Variants in STK32B observed in about 807,000 individuals in gnomAD.
STK32B encodes serine/threonine kinase 32B.
In STK32B, 43 loss-of-function variants were observed where a neutral mutation model predicts 52.6. The ratio of observed to expected loss-of-function variants is 0.82; its 90% CI spans 0.64 to 1.05. The LOEUF is 1.05. Ranked by LOEUF, STK32B falls within the 50% of genes least tolerant of loss-of-function variation. The pLI, the probability that STK32B is intolerant of heterozygous loss-of-function variation, is 0.00. For missense variants in STK32B, 621 were observed against 534.6 expected, an observed-to-expected ratio of 1.16 and a Z score of -1.59; for synonymous variants, 238 against 204.3, an observed-to-expected ratio of 1.17 and a Z score of -1.41.
intron 5 of STK32B, among the ~76,000 whole-genome samples, chr4:5,407,655 G>A (rs186175364): frequency 6.6e-6 from 1 of 152,116 alleles, no homozygotes; most frequent in East Asian, 1.9e-4. Flanking sequence ...GAGTTTGGGG[G>A]GTGGGGGAGA....
At chr4:5,413,965 T>G (rs982584052) in intron 5 of STK32B, among the ~76,000 whole-genome samples, 1 of 152,224 alleles carries the variant, frequency 6.6e-6, no homozygotes, top group African/African-American at 2.4e-5. Context: ...ATCCCACTTC[T>G]GGGGATTTAC....
chr4:5,430,336 A>G (rs976824052), intron 6 of STK32B, among the ~76,000 whole-genome samples: 22 of 152,070 alleles, frequency 1.4e-4, no homozygotes, highest in African/African-American at 5.3e-4. Context: ...ACCTATCTTC[A>G]AGTCTATTGA....
chr4:5,416,826 T>C lies in STK32B; in HGVS notation c.473-19T>C. 1 of 1,611,494 alleles carries C rather than the reference T, an allele frequency of 6.2e-7. No individual in the cohort carries two copies. Among genetic ancestry groups the C allele is most frequent in the East Asian group, 2.2e-5 (1 of 44,854 alleles). The stretch of plus-strand genomic sequence containing the variant: ...CCTGCAGCCCACGCTAACTGGAGTT[T>C]CTGTTTCTGTATTTGCAGGACATGT... On this transcript the variant is annotated intron_variant, in intron 5 of 11. Coordinates refer to ENST00000282908, the MANE Select transcript of STK32B (RefSeq NM_018401.3).
chr4:5,484,698 A>G (rs565497778), intron 11 of STK32B, among the ~76,000 whole-genome samples: 2 of 152,002 alleles, frequency 1.3e-5, no homozygotes, highest in Non-Finnish European at 2.9e-5. Context: ...GGTCTTTACA[A>G]TTTGGCATGT....
intron 1 of STK32B, among the ~76,000 whole-genome samples, chr4:5,076,082 C>T (rs922325270): frequency 7.2e-5 from 11 of 152,152 alleles, no homozygotes; most frequent in South Asian, 2.1e-4. Context: ...CCCAGCTGTA[C>T]GGGACATTTC....
chr4:5,301,087 A>G lies in STK32B; in HGVS notation c.261-30133A>G, dbSNP rs569879842. ...TCTATTAATATTATATTTTAGACTGATTTTCGTATGTTAGACCAACCTTGC... is the reference window on the plus strand; with the variant it reads ...TCTATTAATATTATATTTTAGACTGGTTTTCGTATGTTAGACCAACCTTGC... On this transcript the variant is annotated intron_variant, in intron 3 of 11. Transcript: ENST00000282908. Among the ~76,000 whole-genome samples, 6 of 152,164 alleles carry G rather than the reference A, an allele frequency of 3.9e-5. No homozygotes were observed. The South Asian group carries it at 8.3e-4, about 21-fold the overall frequency.
intron 2 of STK32B, among the ~76,000 whole-genome samples, chr4:5,144,383 T>C (rs184911787): frequency 1.9e-3 from 294 of 152,306 alleles, no homozygotes; most frequent in South Asian, 4.8e-3. Context: ...CTTTTGTTGC[T>C]TAAGGCTCTC....
rs539681620 is a variant in STK32B at position 5,171,253 on chromosome 4, A to G, written c.260+2803A>G. 2.2e-4 allele frequency among the ~76,000 whole-genome samples: 34 copies of G among 152,036 alleles called. No homozygotes were observed. In the South Asian group the frequency reaches 3.7e-3, roughly 17 times the overall value. ...TTGCGAAAATTTTCTCCCATTCTGTAGGTTGCCTGTTCACTCTGATGGTGG... is the reference window on the plus strand; with the variant it reads ...TTGCGAAAATTTTCTCCCATTCTGTGGGTTGCCTGTTCACTCTGATGGTGG... On this transcript the variant is annotated intron_variant, in intron 3 of 11. Transcript: ENST00000282908.
intron 3 of STK32B, among the ~76,000 whole-genome samples, chr4:5,186,302 G>A (rs1443061532): frequency 2.0e-5 from 3 of 152,164 alleles, no homozygotes; most frequent in East Asian, 1.9e-4. Flanking sequence ...TGTTTCCTCC[G>A]TGAGCAGTGG....
chr4:5,204,296 TG>T (rs1371759183), intron 3 of STK32B: 2 of 153,082 alleles, frequency 1.3e-5, no homozygotes, highest in African/African-American at 4.8e-5. Context: ...GGGACTGTGC[TG>T]GGCTGCAGAT....
chr4:5,099,454 G>GCGCACGTGCGCGCGCACA (rs1553823532), intron 1 of STK32B, among the ~76,000 whole-genome samples: 73 of 129,850 alleles, frequency 5.6e-4, no homozygotes, highest in African/African-American at 1.7e-3. Flanking sequence ...GTGTGTGCGC[G>GCGCACGTGCGCGCGCACA]CGCGCGTATG....
In STK32B at chr4:5,394,905, A is replaced by G. The variant is rs146081365; in HGVS notation, c.435-3302A>G. On this transcript the variant is annotated intron_variant, in intron 4 of 11. Coordinates refer to ENST00000282908, the MANE Select transcript of STK32B (RefSeq NM_018401.3). This position sits in a 1 kb window ranked among gnomAD's most constrained non-coding sequence, Gnocchi z 4.2. ...AATAACTCACATTTATTTTCCCTCC[A>G]TTTCCGTGGCCCAGGAGTCCAGGTG... Among the ~76,000 whole-genome samples the G allele has an allele frequency of 7.4e-3, 1,134 of 152,248 alleles. 18 individuals carry two copies. Among genetic ancestry groups the G allele is most frequent in the African/African-American group, 0.026 (1,075 of 41,540 alleles).
intron 3 of STK32B, among the ~76,000 whole-genome samples, chr4:5,262,942 C>G (rs1258769760): frequency 6.6e-6 from 1 of 152,154 alleles, no homozygotes; most frequent in Non-Finnish European, 1.5e-5. Flanking sequence ...GTAACACCCA[C>G]ATGGAAGAAG....
chr4:5,129,064 C>T (rs1306545870), intron 1 of STK32B, among the ~76,000 whole-genome samples: 1 of 152,168 alleles, frequency 6.6e-6, no homozygotes, highest in Non-Finnish European at 1.5e-5. Context: ...GGCAAAATCG[C>T]ACACCTAAAT....
At chr4:5,314,407 C>T (rs1340454421) in intron 3 of STK32B, among the ~76,000 whole-genome samples, 18 of 152,210 alleles carry the variant, frequency 1.2e-4, no homozygotes, top group African/African-American at 4.1e-4. Context: ...CTGTGGCTCA[C>T]GCCTGTAATC....
intron 3 of STK32B, among the ~76,000 whole-genome samples, chr4:5,250,069 C>A (rs1200256935): frequency 6.6e-6 from 1 of 152,086 alleles, no homozygotes; most frequent in Non-Finnish European, 1.5e-5. Flanking sequence ...CATCCATGTC[C>A]CTGCAAAGGA....
intron 1 of STK32B, among the ~76,000 whole-genome samples, chr4:5,130,562 G>T (rs944340996): frequency 3.3e-5 from 5 of 152,104 alleles, no homozygotes; most frequent in Admixed American, 2.0e-4. Flanking sequence ...ACACCAAGAG[G>T]ACACCTTCCT....
chr4:5,436,647 T>A, intron 6 of STK32B: 1 of 985,272 alleles, frequency 1.0e-6, no homozygotes, highest in Non-Finnish European at 1.2e-6. Context: ...TGAGCAAAGC[T>A]GAGGAAGGGA....
intron 3 of STK32B, among the ~76,000 whole-genome samples, chr4:5,274,894 C>A (rs1378621565): frequency 6.6e-6 from 1 of 152,200 alleles, no homozygotes; most frequent in Non-Finnish European, 1.5e-5. Flanking sequence ...CAGCGAGGCG[C>A]CCATTGCCAC....
Sources: gnomAD v4.1 joint callset for allele counts (sites outside exome capture counted in the v4.1 genomes callset) on GRCh38, gnomAD v4.1.1 for gene constraint, Gnocchi (gnomAD v3.1) non-coding constraint, MANE v1.5 for transcripts, NCBI Gene and HGNC (gene_info 2026-07-23, HGNC 2026-07-21) for gene names.